The following MYO5A variants were observed in gnomAD, a reference collection of about 807,000 sequenced individuals.
The protein encoded by MYO5A is myosin VA.
MYO5A carries 98 observed loss-of-function variants against 249.7 expected under a neutral mutation model. That is an observed-to-expected ratio of 0.39 (90% CI 0.33 to 0.46). The LOEUF (loss-of-function observed/expected upper bound fraction) is 0.46, where lower values mean the gene tolerates loss of function less well. MYO5A is among the 20% of genes least tolerant of loss of function. The pLI is 0.98. For missense variants in MYO5A, 1,696 were observed against 2,308.8 expected (o/e 0.73, Z 5.44); for synonymous variants, 778 against 810.6 (o/e 0.96, Z 0.68).
chr15:52,452,852 A>G (rs1013858661), intron 1 of MYO5A, among the ~76,000 whole-genome samples: 6 of 152,080 alleles, frequency 3.9e-5, no homozygotes, highest in Non-Finnish European at 4.4e-5. Context: ...CATGTAAAAA[A>G]AAAAAAAAAA....
At chr15:52,475,087 G>T (rs1461958915) in intron 1 of MYO5A, among the ~76,000 whole-genome samples, 1 of 152,112 alleles carries the variant, frequency 6.6e-6, no homozygotes, top group Non-Finnish European at 1.5e-5. Flanking sequence ...TCTATTCAGG[G>T]ATTCAGCTTC....
chr15:52,479,105 C>T (rs1009609778), intron 1 of MYO5A, among the ~76,000 whole-genome samples: 9 of 151,912 alleles, frequency 5.9e-5, no homozygotes, highest in Admixed American at 4.6e-4. Context: ...AAGCAATTCT[C>T]CTGCCTCAGC....
rs2039393116 is a variant in MYO5A at position 52,341,743 on chromosome 15, A to ACAAG, written c.4041-1350_4041-1349insCTTG. Among the ~76,000 whole-genome samples, 3 of 151,996 alleles carry ACAAG rather than the reference A, an allele frequency of 2.0e-5. No individual in the cohort carries two copies. In the South Asian group the frequency reaches 6.3e-4, roughly 32 times the overall value. On this transcript the variant is annotated intron_variant, in intron 31 of 41. Transcript: ENST00000399233. The stretch of plus-strand genomic sequence containing the variant: ...TTAATGACAAGCGTTAATGATGAGA[A>ACAAG]CAAAGCAGAATAAGCAGAAGCCCCT...
chr15:52,389,155 GAAAA>G, intron 13 of MYO5A, 79 bp downstream of exon 13: 1 of 1,412,466 alleles, frequency 7.1e-7, no homozygotes, highest in South Asian at 1.3e-5. Context: ...ATCAGCAAAA[GAAAA>G]AAAAAGATAC....
chr15:52,353,173 A>G (rs900558002), intron 27 of MYO5A, among the ~76,000 whole-genome samples: 13 of 152,208 alleles, frequency 8.5e-5, no homozygotes, highest in Admixed American at 2.6e-4. Context: ...TCCAGGGACC[A>G]TATTTTGAGA....
At chr15:52,392,997 C>A (rs1415303139) in intron 11 of MYO5A, among the ~76,000 whole-genome samples, 1 of 152,168 alleles carries the variant, frequency 6.6e-6, no homozygotes, top group African/African-American at 2.4e-5. Context: ...AGATGAATGG[C>A]AGCCAAGCTA....
chr15:52,505,695 A>G, intron 1 of MYO5A: 2 of 1,272,636 alleles, frequency 1.6e-6, no homozygotes. Flanking sequence ...CAGACGTCTT[A>G]GTCTGGGACT....
chr15:52,459,628 T>C (rs1244973170), intron 1 of MYO5A, among the ~76,000 whole-genome samples: 2 of 152,222 alleles, frequency 1.3e-5, no homozygotes, highest in Non-Finnish European at 2.9e-5. Context: ...TTCCCCCTTT[T>C]CTATTCGACA....
At chr15:52,477,802 T>C (rs565060604) in intron 1 of MYO5A, among the ~76,000 whole-genome samples, 77 of 152,300 alleles carry the variant, frequency 5.1e-4, no homozygotes, top group African/African-American at 1.7e-3. Context: ...CCCGGCCGTA[T>C]GAGGTGTGAG....
intron 1 of MYO5A, among the ~76,000 whole-genome samples, chr15:52,492,400 GT>G (rs1277507457): frequency 6.6e-6 from 1 of 152,222 alleles, no homozygotes; most frequent in Non-Finnish European, 1.5e-5. Context: ...CCAGCGGCTA[GT>G]TACAATAATG....
chr15:52,464,321 G>A (rs1211929025), intron 1 of MYO5A, among the ~76,000 whole-genome samples: 1 of 152,190 alleles, frequency 6.6e-6, no homozygotes, highest in Non-Finnish European at 1.5e-5. Context: ...AGCTCTGGCT[G>A]TGCCAGCCTT....
chr15:52,317,454 G>T (rs1229578392), intron 39 of MYO5A, among the ~76,000 whole-genome samples: 1 of 152,126 alleles, frequency 6.6e-6, no homozygotes, highest in East Asian at 1.9e-4. Flanking sequence ...TTTAATGGAA[G>T]ATGGAAATGA....
intron 29 of MYO5A, among the ~76,000 whole-genome samples, chr15:52,348,251 G>C (rs181875120): frequency 5.9e-5 from 9 of 152,288 alleles, no homozygotes; most frequent in Admixed American, 4.6e-4. Flanking sequence ...AGTTCTAAAA[G>C]GGTTGTGCTA....
At chr15:52,323,543 C>A in intron 36 of MYO5A, 99 bp from the exon 37 acceptor site, 2 of 796,082 alleles carry the variant, frequency 2.5e-6, no homozygotes, top group Non-Finnish European at 2.1e-6. Flanking sequence ...TTTCAGTTAC[C>A]ATTATAAACA....
chr15:52,315,071 A>AG (rs2037933031), intron 40 of MYO5A, among the ~76,000 whole-genome samples: 1 of 152,244 alleles, frequency 6.6e-6, no homozygotes, highest in African/African-American at 2.4e-5. Flanking sequence ...TCTCGGAGGC[A>AG]AGTATTTGAA....
chr15:52,450,855 T>TTGTTTTTTGTTTTTTG (rs60823450), intron 1 of MYO5A, among the ~76,000 whole-genome samples: 30,909 of 144,370 alleles, frequency 0.21, 4,551 homozygotes, highest in East Asian at 0.6. Context: ...TTTTTTTTTT[T>TTGTTTTTTGTTTTTTG]TTTTTTTTTT....
Position 52,385,713 on chromosome 15 carries a change from ATCT to A in MYO5A, c.1753-1394_1753-1392del, listed in dbSNP as rs1015381987. Reference sequence around the variant, plus strand: ...CTCAAAACACATAACACAGATATTAATCTTCTAAAATTAGTACTTCCAAGAGAA... The same window carrying A: ...CTCAAAACACATAACACAGATATTAATCTAAAATTAGTACTTCCAAGAGAA... On this transcript the variant is annotated intron_variant, in intron 14 of 41. Transcript: ENST00000399233. 8.8e-4 allele frequency among the ~76,000 whole-genome samples: 134 copies of A among 152,326 alleles called. 3 individuals are homozygous for A. Among genetic ancestry groups the A allele is most frequent in the Non-Finnish European group, 3.8e-4 (26 of 68,034 alleles).
At chr15:52,478,207 G>C (rs566254027) in intron 1 of MYO5A, among the ~76,000 whole-genome samples, 1 of 152,226 alleles carries the variant, frequency 6.6e-6, no homozygotes, top group Non-Finnish European at 1.5e-5. Context: ...GGGACCCTCC[G>C]AGCCAGGCGC....
intron 40 of MYO5A, among the ~76,000 whole-genome samples, chr15:52,315,504 A>G (rs1410420363): frequency 1.3e-5 from 2 of 151,550 alleles, no homozygotes; most frequent in African/African-American, 4.9e-5. Flanking sequence ...CCTCCCAAGT[A>G]GCTGGGATTA....
Sources: allele counts gnomAD v4.1 joint callset (sites outside exome capture counted in the v4.1 genomes callset), GRCh38; gene constraint gnomAD v4.1.1; transcripts MANE v1.5; gene names NCBI Gene and HGNC (gene_info 2026-07-23, HGNC 2026-07-21).